The following KCNAB1 variants were observed in gnomAD, a reference collection of about 807,000 sequenced individuals.
KCNAB1 encodes the protein voltage-gated potassium channel subunit beta-1.
KCNAB1 carries 35 observed loss-of-function variants against 64.6 expected under a neutral mutation model. That is an observed-to-expected ratio of 0.54 (90% CI 0.41 to 0.72). The LOEUF is 0.72. KCNAB1 is among the 30% of genes least tolerant of loss of function. KCNAB1 has a pLI of 0.00. For synonymous variants in KCNAB1, 177 were observed against 183.8 expected (o/e 0.96, Z 0.30); for missense variants, 401 against 512.9 (o/e 0.78, Z 2.11).
In KCNAB1 at chr3:156,415,140, A is replaced by G. The variant is rs182836672; in HGVS notation, c.276-6476A>G. On this transcript the variant is annotated intron_variant, in intron 1 of 13. Transcript: ENST00000490337. ...GATCATTAGGGCAACTGAGAGGATC[A>G]TTAGGCCAGGGAAGTGGGTCTTGAA... Among the ~76,000 whole-genome samples, 507 of 152,330 alleles carry G rather than the reference A, an allele frequency of 3.3e-3. 1 individual carries two copies. Among genetic ancestry groups the G allele is most frequent in the African/African-American group, 0.012 (483 of 41,566 alleles).
intron 1 of KCNAB1, among the ~76,000 whole-genome samples, chr3:156,420,505 A>G (rs372207479): frequency 9.5e-4 from 144 of 152,362 alleles, no homozygotes; most frequent in African/African-American, 3.3e-3. Flanking sequence ...TAAAGAAACC[A>G]AAACTGATGA....
intron 1 of KCNAB1, among the ~76,000 whole-genome samples, chr3:156,245,890 A>G (rs182926522): frequency 1.3e-5 from 2 of 152,150 alleles, no homozygotes; most frequent in South Asian, 4.1e-4. Context: ...CAGACTTTTT[A>G]GGATCATGGT....
chr3:156,236,447 CCTATTTTGAGAAGCATT>C (rs1370149189), intron 1 of KCNAB1, among the ~76,000 whole-genome samples: 1 of 152,088 alleles, frequency 6.6e-6, no homozygotes. Context: ...GTCCAGAATC[CCTATTTTGAGAAGCATT>C]CAGATGATAA....
intron 1 of KCNAB1, among the ~76,000 whole-genome samples, chr3:156,201,850 G>A (rs184412581): frequency 6.6e-6 from 1 of 152,190 alleles, no homozygotes. Flanking sequence ...GCATGTCCAT[G>A]AGGGCTGCTT....
chr3:156,218,776 C>A lies in KCNAB1; in HGVS notation c.275+97890C>A, dbSNP rs530318304. Among the ~76,000 whole-genome samples the A allele has an allele frequency of 4.0e-3, 380 of 95,694 alleles. 5 individuals carry two copies. The highest frequency in any genetic ancestry group is 0.016 in the African/African-American group (365 of 22,710). 62.8% of individuals were successfully genotyped at this position (95,694 alleles called of 152,430 possible). Reference sequence around the variant, plus strand: ...CCCATAGCTCTGCAGGGTGGCTAGACCCAGAACAGCAAAAAAAAAAAAAAA... The same window carrying A: ...CCCATAGCTCTGCAGGGTGGCTAGAACCAGAACAGCAAAAAAAAAAAAAAA... On this transcript the variant is annotated intron_variant, in intron 1 of 13. Transcript: ENST00000490337.
intron 1 of KCNAB1, among the ~76,000 whole-genome samples, chr3:156,249,978 T>C (rs898174310): frequency 1.3e-5 from 2 of 152,222 alleles, no homozygotes; most frequent in Non-Finnish European, 2.9e-5. Context: ...GCTGTTTGAA[T>C]GGAGTCAGGG....
In KCNAB1 at chr3:156,221,991, T is replaced by C. The variant is rs145423848; in HGVS notation, c.275+101105T>C. ...TAAAGCATAAATCTCACAGGACCTA[T>C]ATAACAATAACACAATTAAAAAACA... On this transcript the variant is annotated intron_variant, in intron 1 of 13. Transcript: ENST00000490337. Among the ~76,000 whole-genome samples the C allele has an allele frequency of 4.1e-4, 63 of 152,200 alleles. No homozygotes were observed. In the East Asian group the frequency reaches 8.5e-3, roughly 21 times the overall value.
At chr3:156,459,449 A>G (rs1300664012) in intron 4 of KCNAB1, among the ~76,000 whole-genome samples, 1 of 152,152 alleles carries the variant, frequency 6.6e-6, no homozygotes, top group Non-Finnish European at 1.5e-5. Context: ...TGTTCTCCAT[A>G]GTCACAATTG....
intron 1 of KCNAB1, among the ~76,000 whole-genome samples, chr3:156,330,756 G>A (rs1280278434): frequency 2.6e-5 from 4 of 152,092 alleles, no homozygotes; most frequent in African/African-American, 7.2e-5. Context: ...GTTTTCTGTG[G>A]TCCCTGAGCC....
chr3:156,413,016 A>T (rs1714785671), intron 1 of KCNAB1, among the ~76,000 whole-genome samples: 1 of 152,232 alleles, frequency 6.6e-6, no homozygotes, highest in African/African-American at 2.4e-5. Flanking sequence ...CTAGAATTAA[A>T]AAGTAGAGTC....
chr3:156,154,455 G>C (rs1715600544), intron 1 of KCNAB1, among the ~76,000 whole-genome samples: 1 of 152,024 alleles, frequency 6.6e-6, no homozygotes, highest in South Asian at 2.1e-4. Context: ...CGAACTATGG[G>C]GGACAAGTGT....
At chr3:156,201,313 T>C (rs1714316908) in intron 1 of KCNAB1, among the ~76,000 whole-genome samples, 1 of 152,220 alleles carries the variant, frequency 6.6e-6, no homozygotes, top group Non-Finnish European at 1.5e-5. Context: ...AATATAATTT[T>C]AGAACAGCTT....
At chr3:156,306,914 T>G (rs74602867) in intron 1 of KCNAB1, among the ~76,000 whole-genome samples, 5,078 of 152,322 alleles carry the variant, frequency 0.033, 307 homozygotes, top group African/African-American at 0.12. Flanking sequence ...CAGAATTCCC[T>G]GACGCTGAAG....
intron 1 of KCNAB1, among the ~76,000 whole-genome samples, chr3:156,152,616 A>G (rs1715477756): frequency 6.6e-6 from 1 of 152,222 alleles, no homozygotes; most frequent in African/African-American, 2.4e-5. Flanking sequence ...GCTAAGGCAG[A>G]TGAGATAGAA....
intron 1 of KCNAB1, among the ~76,000 whole-genome samples, chr3:156,239,977 T>A (rs1452190600): frequency 6.6e-6 from 1 of 152,090 alleles, no homozygotes; most frequent in East Asian, 1.9e-4. Context: ...AGGAAATACA[T>A]CATGTTAGGG....
chr3:156,425,063 A>G (rs1180419386), intron 2 of KCNAB1, among the ~76,000 whole-genome samples: 2 of 152,250 alleles, frequency 1.3e-5, no homozygotes, highest in African/African-American at 4.8e-5. Context: ...ATAATGCACC[A>G]GCCTTAGATA....
At position 156,443,781 on chromosome 3, in the gene KCNAB1, CTAT is replaced by C. The variant is rs1324667497; in HGVS notation, c.320-9116_320-9114del. On this transcript the variant is annotated intron_variant, in intron 2 of 13. Coordinates refer to ENST00000490337, the MANE Select transcript of KCNAB1 (RefSeq NM_172160.3). ...ACACACACACACACACACACACACACTATTCTTTACTTGTAAATGGAGATGCTG... is the reference window on the plus strand; with the variant it reads ...ACACACACACACACACACACACACACTCTTTACTTGTAAATGGAGATGCTG... Among the ~76,000 whole-genome samples the C allele has an allele frequency of 2.7e-5, 4 of 146,968 alleles. No homozygotes were observed. In the South Asian group the frequency reaches 8.7e-4, roughly 32 times the overall value.
chr3:156,291,734 CACTTTGTGGGCTTGGCTCGA>C, intron 1 of KCNAB1: 1 of 1,448,854 alleles, frequency 6.9e-7, no homozygotes, highest in Admixed American at 2.7e-5. Context: ...CCCCTTGTGC[CACTTTGTGGGCTTGGCTCGA>C]AAGTCAGCCG....
chr3:156,280,130 G>T (rs1719607791), intron 1 of KCNAB1, among the ~76,000 whole-genome samples: 1 of 148,296 alleles, frequency 6.7e-6, no homozygotes, highest in African/African-American at 2.5e-5. Flanking sequence ...AATCCATCTT[G>T]AATTGATTTT....
Sources: gnomAD v4.1 joint callset for allele counts (sites outside exome capture counted in the v4.1 genomes callset) on GRCh38, gnomAD v4.1.1 for gene constraint, MANE v1.5 for transcripts, NCBI Gene and HGNC (gene_info 2026-07-23, HGNC 2026-07-21) for gene names.